Variants in LRRC9 observed in about 807,000 individuals in gnomAD.
LRRC9 encodes leucine-rich repeat-containing protein 9.
A neutral mutation model predicts 63.2 loss-of-function variants in LRRC9; 122 were observed. The ratio of observed to expected loss-of-function variants is 1.93; its 90% CI spans 1.67 to 2.24. LRRC9 has a LOEUF of 2.24. LRRC9 is among the 30% of genes most tolerant of loss of function. The probability of loss-of-function intolerance (pLI) is 0.00; values close to 1 mark genes in which losing one functional copy is unlikely to be tolerated. For synonymous variants in LRRC9, 366 were observed against 213.1 expected (o/e 1.72, Z -6.25); for missense variants, 1,071 against 627.7 (o/e 1.71, Z -7.55).
Position 59,999,213 on chromosome 14 carries a change from C to G in LRRC9, c.2516C>G (p.Thr839Arg), listed in dbSNP as rs907748008. ...GCAGCTATGAAATTTATTGCAGGAACAAGGATTACTCAGGTTGGATTTTAC... is the reference window on the plus strand; with the variant it reads ...GCAGCTATGAAATTTATTGCAGGAAGAAGGATTACTCAGGTTGGATTTTAC... Residue 839 changes from threonine to arginine, a missense_variant, in exon 19 of 32, where the codon ACA becomes AGA. By Grantham distance (71) the Thr-to-Arg change is moderately conservative. Coordinates refer to ENST00000445360, the Ensembl canonical transcript of LRRC9. 3.3e-5 allele frequency: 23 copies of G among 700,482 alleles called. No homozygotes were observed. In the African/African-American group the frequency reaches 3.9e-4, roughly 12 times the overall value. 43.4% of individuals were successfully genotyped at this position (700,482 alleles called of 1,614,324 possible).
intron 29 of LRRC9, among the ~76,000 whole-genome samples, chr14:60,048,721 T>G (rs550205118): frequency 3.4e-4 from 52 of 152,296 alleles, no homozygotes; most frequent in Admixed American, 2.0e-3. Context: ...AAGGAAGAAC[T>G]GGTACCATTT....
At chr14:60,025,024 T>C (rs925749017) in intron 27 of LRRC9, among the ~76,000 whole-genome samples, 3 of 151,912 alleles carry the variant, frequency 2.0e-5, no homozygotes, top group Non-Finnish European at 4.4e-5. Context: ...CTGTGACAGA[T>C]TGATTTTTGT....
chr14:59,924,297 A>T (rs1487727714), intron 1 of LRRC9, among the ~76,000 whole-genome samples: 1 of 152,294 alleles, frequency 6.6e-6, no homozygotes, highest in South Asian at 2.1e-4. Flanking sequence ...GCACTATTCA[A>T]ATAAACCTGG....
rs1053388245 is a variant in LRRC9 at position 59,938,027 on chromosome 14, G to A, written c.544-363G>A. On this transcript the variant is annotated intron_variant, in intron 6 of 31. Coordinates refer to ENST00000445360, the Ensembl canonical transcript of LRRC9. The surrounding 1 kb of genome is among the most constrained non-coding windows in gnomAD (Gnocchi z 4.2). The stretch of plus-strand genomic sequence containing the variant: ...TAGGTGATAAGTACAGGAAATAGGG[G>A]TGAAGAAATCAGAGACCTACAGGTA... 1.3e-5 allele frequency among the ~76,000 whole-genome samples: 2 copies of A among 152,114 alleles called. No homozygotes were observed. Among genetic ancestry groups the A allele is most frequent in the African/African-American group, 2.4e-5 (1 of 41,426 alleles).
intron 6 of LRRC9, among the ~76,000 whole-genome samples, chr14:59,934,089 A>G (rs904189154): frequency 1.3e-5 from 2 of 152,108 alleles, no homozygotes; most frequent in African/African-American, 4.8e-5. Flanking sequence ...AGATTCCAGG[A>G]ATAATCTAAA....
intron 31 of LRRC9, among the ~76,000 whole-genome samples, chr14:60,059,442 G>A (rs1045141884): frequency 6.6e-6 from 1 of 152,190 alleles, no homozygotes; most frequent in Non-Finnish European, 1.5e-5. Flanking sequence ...GCTTAGTGAG[G>A]AAGCCATGCT....
exon 4 of LRRC9, chr14:59,931,029 C>A: frequency 4.8e-6 from 2 of 416,778 alleles, no homozygotes; most frequent in Non-Finnish European, 8.7e-6. Context: ...GGTTCTTTGG[C>A]TGAACCACAA....
chr14:60,057,831 G>A (rs928660149), intron 30 of LRRC9, 47 bp from the exon 31 acceptor site: 1 of 593,410 alleles, frequency 1.7e-6, no homozygotes, highest in Non-Finnish European at 3.2e-6. Context: ...CTATTGATCT[G>A]AGTTTTGGAG....
chr14:60,031,907 A>C lies in LRRC9; in HGVS notation c.3922-88A>C, dbSNP rs768345621. On this transcript the variant is annotated intron_variant, in intron 28 of 31. Coordinates refer to ENST00000445360, the Ensembl canonical transcript of LRRC9. This position sits in a 1 kb window ranked among gnomAD's most constrained non-coding sequence, Gnocchi z 4.6. ...TCAATCATGAGCTAGCTGCAAACTA[A>C]CACTTACATATAATTACTTCAAATT... 8 of 648,868 alleles carry C rather than the reference A, an allele frequency of 1.2e-5. No homozygotes were observed. Among genetic ancestry groups the C allele is most frequent in the Non-Finnish European group, 2.2e-5 (8 of 361,980 alleles). 40.2% of individuals were successfully genotyped at this position (648,868 alleles called of 1,614,324 possible).
intron 28 of LRRC9, among the ~76,000 whole-genome samples, chr14:60,030,830 TAA>T (rs202235311): frequency 2.0e-5 from 3 of 150,954 alleles, no homozygotes; most frequent in Non-Finnish European, 4.4e-5. Context: ...CACACTACTG[TAA>T]AAAAAAATGC....
chr14:59,976,861 C>T (rs1316075804), intron 13 of LRRC9, among the ~76,000 whole-genome samples: 1 of 152,228 alleles, frequency 6.6e-6, no homozygotes, highest in Non-Finnish European at 1.5e-5. Flanking sequence ...CTCCTACCAT[C>T]TAAGCTATGT....
intron 15 of LRRC9, among the ~76,000 whole-genome samples, chr14:59,981,636 G>C (rs1006058639): frequency 6.6e-6 from 1 of 152,082 alleles, no homozygotes; most frequent in Non-Finnish European, 1.5e-5. Flanking sequence ...TCTTCTGCCA[G>C]TTTTAAGAAA....
Position 59,993,329 on chromosome 14 carries a change from A to T in LRRC9, c.2212-4327A>T, listed in dbSNP as rs776988881. Among the ~76,000 whole-genome samples, 375 of 152,216 alleles carry T rather than the reference A, an allele frequency of 2.5e-3. 2 individuals carry two copies. Among genetic ancestry groups the T allele is most frequent in the Non-Finnish European group, 4.0e-3 (271 of 68,038 alleles). On this transcript the variant is annotated intron_variant, in intron 17 of 31. Coordinates refer to ENST00000445360, the Ensembl canonical transcript of LRRC9. ...GAAGGAAGCACTAAACATGGAAAGG[A>T]ACAACCGGTACCAGCCACTGCAAAA...
intron 6 of LRRC9, among the ~76,000 whole-genome samples, chr14:59,937,491 A>G (rs1881162840): frequency 6.6e-6 from 1 of 152,108 alleles, no homozygotes; most frequent in Admixed American, 6.6e-5. Context: ...CCCAGGGAAT[A>G]TGACACTGGG....
At chr14:59,987,795 A>C (rs1404539869) in intron 17 of LRRC9, among the ~76,000 whole-genome samples, 1 of 152,178 alleles carries the variant, frequency 6.6e-6, no homozygotes, top group Non-Finnish European at 1.5e-5. Context: ...TTCTTATTCT[A>C]TCATTATTTC....
intron 17 of LRRC9, among the ~76,000 whole-genome samples, chr14:59,994,973 C>T (rs1269183751): frequency 6.7e-6 from 1 of 150,338 alleles, no homozygotes; most frequent in Non-Finnish European, 1.5e-5. Flanking sequence ...CAAACCTGCA[C>T]GTTGCGCACA....
chr14:59,977,900 A>G (rs1330162751), intron 14 of LRRC9, 117 bp from the exon 15 acceptor site: 1 of 498,310 alleles, frequency 2.0e-6, no homozygotes, highest in Non-Finnish European at 3.6e-6. Context: ...AAAATCTTCA[A>G]TAATATAACT....
Position 60,054,613 on chromosome 14 carries a change from T to C in LRRC9, c.4131+1408T>C, listed in dbSNP as rs558496945. 3.3e-5 allele frequency among the ~76,000 whole-genome samples: 5 copies of C among 152,326 alleles called. No individual in the cohort carries two copies. In the South Asian group the frequency reaches 6.2e-4, roughly 19 times the overall value. ...GGAAATTGTAGGCAAAATAAGGGTA[T>C]CATGTCTCCAAAAACAACCAAATAA... On this transcript the variant is annotated intron_variant, in intron 30 of 31. Transcript: ENST00000445360.
At position 60,038,353 on chromosome 14, in the gene LRRC9, G is replaced by A. The variant is rs572174911; in HGVS notation, c.3990+6290G>A. On this transcript the variant is annotated intron_variant, in intron 29 of 31. Coordinates refer to ENST00000445360, the Ensembl canonical transcript of LRRC9. ...TGGCATTGAATCTATAAATTACATT[G>A]GGCAGTATGGCCATTTTCACAATAT... 1.3e-3 allele frequency among the ~76,000 whole-genome samples: 197 copies of A among 152,222 alleles called. 6 individuals carry two copies. The South Asian group carries it at 0.039, about 30-fold the overall frequency.
Sources: allele counts gnomAD v4.1 joint callset (sites outside exome capture counted in the v4.1 genomes callset), GRCh38; gene constraint gnomAD v4.1.1; non-coding constraint Gnocchi (gnomAD v3.1); transcripts MANE v1.5; gene names NCBI Gene and HGNC (gene_info 2026-07-23, HGNC 2026-07-21).